DIAPH3: variants seen among roughly 807,000 people sequenced by gnomAD.
The protein encoded by DIAPH3 is protein diaphanous homolog 3.
DIAPH3 carries 117 observed loss-of-function variants against 144.3 expected under a neutral mutation model. The observed-to-expected ratio is 0.81, with a 90% confidence interval of 0.70 to 0.95. The LOEUF is 0.95. DIAPH3 is among the 40% of genes least tolerant of loss of function. DIAPH3 has a pLI of 0.00. For missense variants in DIAPH3, 1,421 were observed against 1,412.7 expected (o/e 1.01, Z -0.09); for synonymous variants, 519 against 488.9 (o/e 1.06, Z -0.81).
intron 27 of DIAPH3, among the ~76,000 whole-genome samples, chr13:59,723,059 T>A (rs116885858): frequency 6.6e-6 from 1 of 152,146 alleles, no homozygotes; most frequent in Non-Finnish European, 1.5e-5. Context: ...TAAAACTCTA[T>A]AGGAAAAATA....
At chr13:60,142,175 A>G (rs1257784720) in intron 1 of DIAPH3, among the ~76,000 whole-genome samples, 5 of 152,244 alleles carry the variant, frequency 3.3e-5, no homozygotes, top group African/African-American at 7.2e-5. Flanking sequence ...ACAAATATAA[A>G]TAACCAACTT....
chr13:59,804,127 G>A (rs1450376679), intron 25 of DIAPH3, among the ~76,000 whole-genome samples: 1 of 152,048 alleles, frequency 6.6e-6, no homozygotes, highest in Non-Finnish European at 1.5e-5. Context: ...AACTATGTTG[G>A]GTCAGAACTA....
chr13:60,091,129 G>C (rs2057915446), intron 4 of DIAPH3, among the ~76,000 whole-genome samples: 1 of 152,112 alleles, frequency 6.6e-6, no homozygotes, highest in African/African-American at 2.4e-5. Flanking sequence ...ATTCCTACTT[G>C]TTAGATTTAC....
intron 4 of DIAPH3, among the ~76,000 whole-genome samples, chr13:60,071,557 C>T (rs1244778352): frequency 1.3e-5 from 2 of 152,172 alleles, no homozygotes; most frequent in Non-Finnish European, 2.9e-5. Context: ...CTCAAGGTAG[C>T]TTTCAGATAT....
At chr13:59,672,964 A>G (rs563169083) in intron 27 of DIAPH3, among the ~76,000 whole-genome samples, 1 of 152,358 alleles carries the variant, frequency 6.6e-6, no homozygotes, top group Admixed American at 6.5e-5. Flanking sequence ...TATTTGCAGA[A>G]ACTATTATAT....
At chr13:60,085,917 C>T (rs2057730832) in intron 4 of DIAPH3, among the ~76,000 whole-genome samples, 1 of 151,972 alleles carries the variant, frequency 6.6e-6, no homozygotes, top group African/African-American at 2.4e-5. Flanking sequence ...AACTCAGTGA[C>T]AAGATGAAAA....
rs117522757 is a variant in DIAPH3 at position 59,885,959 on chromosome 13, G to A, written c.2368-6491C>T. ...TCTGTTGTTTTAAGCCACCAAGATC[G>A]TAGACATTTGTGGCGGCAACCCTAA... is the stretch of plus-strand genomic sequence containing the variant. On this transcript the variant is annotated intron_variant, in intron 20 of 27. Coordinates refer to ENST00000400324, the MANE Select transcript of DIAPH3 (RefSeq NM_001042517.2). Among the ~76,000 whole-genome samples, 297 of 152,166 alleles carry A rather than the reference G, an allele frequency of 2.0e-3. 2 individuals carry two copies. The highest frequency in any genetic ancestry group is 3.5e-3 in the Non-Finnish European group (241 of 67,982).
chr13:59,825,131 C>T (rs920457377), intron 24 of DIAPH3, among the ~76,000 whole-genome samples: 9 of 151,964 alleles, frequency 5.9e-5, no homozygotes, highest in Admixed American at 5.9e-4. Flanking sequence ...TGGTGTGCTG[C>T]ACCCATTAAC....
intron 17 of DIAPH3, among the ~76,000 whole-genome samples, chr13:59,956,222 G>T (rs868144780): frequency 1.8e-4 from 27 of 152,202 alleles, no homozygotes; most frequent in African/African-American, 6.5e-4. Flanking sequence ...CAAGCCAATG[G>T]GGAAAATGTC....
At position 59,684,774 on chromosome 13, in the gene DIAPH3, T is replaced by C. The variant is rs116238120; in HGVS notation, c.3320-17928A>G. Reference sequence around the variant, plus strand: ...TTGATCAACATATGTCTTTCAAGGTTGTACAAATAAAGAAAGAACTTTCAT... The same window carrying C: ...TTGATCAACATATGTCTTTCAAGGTCGTACAAATAAAGAAAGAACTTTCAT... On this transcript the variant is annotated intron_variant, in intron 27 of 27. Transcript: ENST00000400324. Among the ~76,000 whole-genome samples, 939 of 152,284 alleles carry C rather than the reference T, an allele frequency of 6.2e-3. 8 individuals are homozygous for C. Among genetic ancestry groups the C allele is most frequent in the African/African-American group, 0.021 (892 of 41,552 alleles).
chr13:59,833,882 C>T (rs2041910045), intron 23 of DIAPH3, among the ~76,000 whole-genome samples: 1 of 150,368 alleles, frequency 6.7e-6, no homozygotes, highest in Admixed American at 6.7e-5. Flanking sequence ...TACTTGTTAT[C>T]ATCATCCCTC....
At chr13:59,836,196 A>G (rs924829930) in intron 23 of DIAPH3, among the ~76,000 whole-genome samples, 2 of 151,872 alleles carry the variant, frequency 1.3e-5, no homozygotes, top group African/African-American at 4.8e-5. Flanking sequence ...TCCAAATTCT[A>G]TTTGTTCTTC....
At chr13:59,687,080 G>A (rs1412968432) in intron 27 of DIAPH3, among the ~76,000 whole-genome samples, 2 of 152,070 alleles carry the variant, frequency 1.3e-5, no homozygotes, top group African/African-American at 4.8e-5. Context: ...AGATCATCAT[G>A]GGACATTAAT....
intron 1 of DIAPH3, among the ~76,000 whole-genome samples, chr13:60,136,870 G>C (rs1566812982): frequency 6.6e-6 from 1 of 152,054 alleles, no homozygotes; most frequent in Admixed American, 6.6e-5. Context: ...AACCCGGGAG[G>C]CGGAGCTTGC....
chr13:60,044,630 G>A (rs1439716572), intron 4 of DIAPH3, among the ~76,000 whole-genome samples: 3 of 152,118 alleles, frequency 2.0e-5, no homozygotes, highest in Non-Finnish European at 2.9e-5. Flanking sequence ...AGGAACAAAG[G>A]TGCCTCAAAA....
At chr13:59,795,925 G>T (rs2039577756) in intron 25 of DIAPH3, among the ~76,000 whole-genome samples, 1 of 152,126 alleles carries the variant, frequency 6.6e-6, no homozygotes, top group African/African-American at 2.4e-5. Context: ...ACATATTAGT[G>T]CTTTCATCAG....
intron 22 of DIAPH3, among the ~76,000 whole-genome samples, chr13:59,853,649 T>G (rs1210743828): frequency 6.6e-6 from 1 of 152,138 alleles, no homozygotes; most frequent in African/African-American, 2.4e-5. Flanking sequence ...CCACTTTTCT[T>G]TATAAATTAC....
intron 20 of DIAPH3, among the ~76,000 whole-genome samples, chr13:59,898,091 C>T (rs533942089): frequency 1.2e-3 from 150 of 128,434 alleles, no homozygotes; most frequent in Middle Eastern, 5.4e-3. Context: ...GCTGAGATTG[C>T]ACCACTGAAC....
chr13:59,803,454 G>A (rs1481839345), intron 25 of DIAPH3, among the ~76,000 whole-genome samples: 1 of 151,910 alleles, frequency 6.6e-6, no homozygotes, highest in Non-Finnish European at 1.5e-5. Flanking sequence ...ATAATAATAT[G>A]AAAAACATTT....
Sources: allele counts gnomAD v4.1 joint callset (sites outside exome capture counted in the v4.1 genomes callset), GRCh38; gene constraint gnomAD v4.1.1; transcripts MANE v1.5; gene names NCBI Gene and HGNC (gene_info 2026-07-23, HGNC 2026-07-21).